The following NSUN6 variants were observed in gnomAD, a reference collection of about 807,000 sequenced individuals.
NSUN6 encodes the protein NOP2/Sun RNA methyltransferase 6, also known as tRNA (cytosine(72)-C(5))-methyltransferase NSUN6.
Under a neutral mutation model 58.0 loss-of-function variants are expected in NSUN6, and 64 were observed. That is an observed-to-expected ratio of 1.10 (90% CI 0.90 to 1.36). NSUN6 has a LOEUF of 1.36. NSUN6 is among the 40% of genes most tolerant of loss of function. NSUN6 has a pLI of 0.00. For synonymous variants in NSUN6, 231 were observed against 193.9 expected (o/e 1.19, Z -1.59); for missense variants, 701 against 550.1 (o/e 1.27, Z -2.74).
chr10:18,647,757 CAG>C (rs2059591132), intron 2 of NSUN6, among the ~76,000 whole-genome samples: 1 of 107,748 alleles, frequency 9.3e-6, no homozygotes, highest in African/African-American at 3.8e-5. Flanking sequence ...TTTTTTGAGA[CAG>C]AGTCTCATTC....
chr10:18,582,280 C>G (rs958530871), intron 8 of NSUN6, among the ~76,000 whole-genome samples: 5 of 152,174 alleles, frequency 3.3e-5, no homozygotes, highest in African/African-American at 1.2e-4. Context: ...TCACCTGATG[C>G]TTGCCTGACA....
In NSUN6 at chr10:18,579,872, T is replaced by C. The variant is rs146621140; in HGVS notation, c.922+6077A>G. Among the ~76,000 whole-genome samples the C allele has an allele frequency of 1.1e-3, 171 of 152,298 alleles. 6 individuals are homozygous for C. The East Asian group carries it at 0.025, about 23-fold the overall frequency. On this transcript the variant is annotated intron_variant, in intron 8 of 10. Coordinates refer to ENST00000377304, the MANE Select transcript of NSUN6 (RefSeq NM_182543.5). ...CAATAGGGGAGAGAAGGCAATCATA[T>C]GTGCATTTGTCTCAGGTGAGCAGAG... is the stretch of plus-strand genomic sequence containing the variant.
At chr10:18,617,380 G>C (rs2058451218) in intron 3 of NSUN6, among the ~76,000 whole-genome samples, 2 of 151,876 alleles carry the variant, frequency 1.3e-5, no homozygotes, top group South Asian at 2.1e-4. Context: ...TAGTGACAGG[G>C]TTTCACCATG....
At chr10:18,602,966 T>C (rs1590030331) in intron 6 of NSUN6, among the ~76,000 whole-genome samples, 1 of 152,262 alleles carries the variant, frequency 6.6e-6, no homozygotes, top group Non-Finnish European at 1.5e-5. Flanking sequence ...ATATACAACC[T>C]CTACATAAGT....
At chr10:18,642,259 ATTAT>A (rs1206103155) in intron 3 of NSUN6, among the ~76,000 whole-genome samples, 2 of 152,164 alleles carry the variant, frequency 1.3e-5, no homozygotes, top group Non-Finnish European at 2.9e-5. Flanking sequence ...CCTAAAATGC[ATTAT>A]TCTCAAGATC....
Position 18,563,694 on chromosome 10 carries a change from T to C in NSUN6, c.923-11723A>G, listed in dbSNP as rs143738687. Among the ~76,000 whole-genome samples, 599 of 150,816 alleles carry C rather than the reference T, an allele frequency of 4.0e-3. 5 individuals carry two copies. The highest frequency in any genetic ancestry group is 0.013 in the African/African-American group (547 of 41,264). ...CCATTCTCTATACCATTCCATTCTC[T>C]ATTTCATTCCATTCTTCATTCCACT... On this transcript the variant is annotated intron_variant, in intron 8 of 10. Coordinates refer to ENST00000377304, the MANE Select transcript of NSUN6 (RefSeq NM_182543.5).
intron 7 of NSUN6, among the ~76,000 whole-genome samples, chr10:18,595,924 CTT>C (rs1237114269): frequency 6.6e-6 from 1 of 152,028 alleles, no homozygotes; most frequent in Non-Finnish European, 1.5e-5. Flanking sequence ...ACTATGAAAT[CTT>C]ATAAGAAAAT....
intron 6 of NSUN6, among the ~76,000 whole-genome samples, chr10:18,600,959 T>TATATATATATATATATATACACAC: frequency 9.2e-5 from 6 of 64,928 alleles, no homozygotes; most frequent in Non-Finnish European, 1.5e-4. Context: ...TATATATATA[T>TATATATATATATATATATACACAC]ACATATATAT....
chr10:18,602,766 C>T (rs1245721035), intron 6 of NSUN6, among the ~76,000 whole-genome samples: 1 of 152,138 alleles, frequency 6.6e-6, no homozygotes, highest in East Asian at 1.9e-4. Context: ...ACTATTGGGT[C>T]TTTTCAGAGT....
At chr10:18,584,458 A>C (rs940592723) in intron 8 of NSUN6, among the ~76,000 whole-genome samples, 5 of 152,206 alleles carry the variant, frequency 3.3e-5, no homozygotes, top group Non-Finnish European at 7.3e-5. Flanking sequence ...GCATGCAGCT[A>C]ATCAGGTTTT....
At chr10:18,625,975 A>G (rs2058787208) in intron 3 of NSUN6, among the ~76,000 whole-genome samples, 1 of 152,046 alleles carries the variant, frequency 6.6e-6, no homozygotes, top group African/African-American at 2.4e-5. Flanking sequence ...TGAAACGACC[A>G]GACTCAGCCA....
intron 3 of NSUN6, among the ~76,000 whole-genome samples, chr10:18,641,908 T>C (rs1421833286): frequency 6.6e-6 from 1 of 151,738 alleles, no homozygotes; most frequent in Non-Finnish European, 1.5e-5. Context: ...TTCTACAAAA[T>C]AAAAAATAAA....
At chr10:18,571,975 A>C (rs1298017463) in intron 8 of NSUN6, among the ~76,000 whole-genome samples, 14 of 137,576 alleles carry the variant, frequency 1.0e-4, no homozygotes, top group African/African-American at 2.8e-4. Flanking sequence ...TCCATTCACC[A>C]CTGCATTCCA....
intron 3 of NSUN6, among the ~76,000 whole-genome samples, chr10:18,624,564 T>C (rs1448301896): frequency 1.4e-5 from 2 of 139,380 alleles, no homozygotes; most frequent in Non-Finnish European, 3.0e-5. Context: ...GGCAGGAGAA[T>C]GGCGTAGACC....
intron 3 of NSUN6, among the ~76,000 whole-genome samples, chr10:18,627,202 T>C (rs2058842004): frequency 6.6e-6 from 1 of 152,226 alleles, no homozygotes; most frequent in Non-Finnish European, 1.5e-5. Flanking sequence ...ACCAAAATTT[T>C]ATTTTAAATC....
At chr10:18,595,482 A>T (rs760447280) in intron 7 of NSUN6, among the ~76,000 whole-genome samples, 1 of 152,250 alleles carries the variant, frequency 6.6e-6, no homozygotes, top group East Asian at 1.9e-4. Flanking sequence ...GATTTGCATT[A>T]AACATCACAA....
chr10:18,588,036 T>C lies in NSUN6; in HGVS notation c.778-1943A>G, dbSNP rs139020640. ...GCTAAGAACCACTGGCTTGAAATTC[T>C]CACAGCCAGCACAGCAGTCTGGAGT... On this transcript the variant is annotated intron_variant, in intron 7 of 10. Coordinates refer to ENST00000377304, the MANE Select transcript of NSUN6 (RefSeq NM_182543.5). Among the ~76,000 whole-genome samples the C allele has an allele frequency of 3.8e-3, 584 of 152,334 alleles. 4 individuals are homozygous for C. Among genetic ancestry groups the C allele is most frequent in the Non-Finnish European group, 6.4e-3 (436 of 68,030 alleles).
chr10:18,626,017 G>A (rs369030944), intron 3 of NSUN6, among the ~76,000 whole-genome samples: 37 of 152,226 alleles, frequency 2.4e-4, no homozygotes, highest in East Asian at 1.9e-4. Context: ...GCAACAGGCA[G>A]ACATTCTCAA....
At chr10:18,566,510 TTCTATTCCAC>T (rs1041982960) in intron 8 of NSUN6, among the ~76,000 whole-genome samples, 12 of 147,562 alleles carry the variant, frequency 8.1e-5, no homozygotes, top group African/African-American at 3.0e-4. Context: ...CCATTCTCCA[TTCTATTCCAC>T]TCCATTCTAC....
Sources: allele counts gnomAD v4.1 joint callset (sites outside exome capture counted in the v4.1 genomes callset), GRCh38; gene constraint gnomAD v4.1.1; transcripts MANE v1.5; gene names NCBI Gene and HGNC (gene_info 2026-07-23, HGNC 2026-07-21).